PTPRD: variants seen among roughly 807,000 people sequenced by gnomAD.
The protein encoded by PTPRD is protein tyrosine phosphatase receptor type D, also known as receptor-type tyrosine-protein phosphatase delta.
A neutral mutation model predicts 214.5 loss-of-function variants in PTPRD; 34 were observed. The ratio of observed to expected loss-of-function variants is 0.16; its 90% CI spans 0.12 to 0.21. The LOEUF is 0.21. Among genes scored for constraint, PTPRD ranks in the 10% least tolerant of loss-of-function variants. The pLI is 1.00. For missense variants in PTPRD, 2,545 were observed against 2,398.7 expected (o/e 1.06, Z -1.27); for synonymous variants, 1,128 against 845.7 (o/e 1.33, Z -5.79).
intron 9 of PTPRD, among the ~76,000 whole-genome samples, chr9:9,312,479 C>T (rs1273409895): frequency 6.6e-6 from 1 of 152,154 alleles, no homozygotes; most frequent in East Asian, 1.9e-4. Flanking sequence ...TGGCATGGGG[C>T]TACTGTCTGT....
chr9:9,889,918 G>T (rs984483326), intron 5 of PTPRD, among the ~76,000 whole-genome samples: 1 of 151,938 alleles, frequency 6.6e-6, no homozygotes, highest in African/African-American at 2.4e-5. Context: ...TTCCCTGTAG[G>T]CACTTTCCTG....
intron 6 of PTPRD, among the ~76,000 whole-genome samples, chr9:9,758,320 A>G (rs985799666): frequency 6.6e-6 from 1 of 151,768 alleles, no homozygotes; most frequent in Non-Finnish European, 1.5e-5. Context: ...GGCAGTTTTT[A>G]TTTTATGAAA....
chr9:8,657,518 C>T (rs2096936229), intron 12 of PTPRD, among the ~76,000 whole-genome samples: 1 of 152,016 alleles, frequency 6.6e-6, no homozygotes, highest in African/African-American at 2.4e-5. Context: ...TGTTTAATTT[C>T]CTTGTAGAGT....
chr9:8,409,985 T>C (rs2093381117), intron 35 of PTPRD, among the ~76,000 whole-genome samples: 1 of 152,216 alleles, frequency 6.6e-6, no homozygotes, highest in South Asian at 2.1e-4. Context: ...CATTTGGTTC[T>C]TAGTGTGGTT....
At chr9:10,503,788 T>C (rs1483914174) in intron 2 of PTPRD, among the ~76,000 whole-genome samples, 1 of 151,782 alleles carries the variant, frequency 6.6e-6, no homozygotes, top group Non-Finnish European at 1.5e-5. Flanking sequence ...GGACAATAGA[T>C]GTCCAGGGTA....
At chr9:8,461,796 T>C (rs1313374467) in intron 32 of PTPRD, among the ~76,000 whole-genome samples, 1 of 151,962 alleles carries the variant, frequency 6.6e-6, no homozygotes, top group African/African-American at 2.4e-5. Context: ...CTCCATCCTA[T>C]AGACAAACAT....
intron 24 of PTPRD, among the ~76,000 whole-genome samples, 181 bp downstream of exon 24, chr9:8,500,573 A>G (rs1399750021): frequency 1.4e-5 from 2 of 144,590 alleles, no homozygotes; most frequent in East Asian, 2.0e-4. Context: ...AAAAAAAAAA[A>G]AAAAAAAAAA....
At chr9:9,353,606 G>T (rs551369978) in intron 9 of PTPRD, among the ~76,000 whole-genome samples, 1 of 150,600 alleles carries the variant, frequency 6.6e-6, no homozygotes, top group Non-Finnish European at 1.5e-5. Context: ...CGTATATATT[G>T]GCCTTGTTTT....
chr9:9,122,127 C>T (rs2099818180), intron 10 of PTPRD, among the ~76,000 whole-genome samples: 1 of 152,100 alleles, frequency 6.6e-6, no homozygotes, highest in African/African-American at 2.4e-5. Flanking sequence ...CAGTAGCAGA[C>T]TTCATATGTT....
intron 14 of PTPRD, among the ~76,000 whole-genome samples, chr9:8,598,348 T>TATCCCAGG: frequency 6.6e-6 from 1 of 151,738 alleles, no homozygotes; most frequent in East Asian, 1.9e-4. Flanking sequence ...GGTATCCCAG[T>TATCCCAGG]TACTCGGGAG....
At chr9:9,328,803 T>G (rs146090424) in intron 9 of PTPRD, among the ~76,000 whole-genome samples, 2,014 of 150,434 alleles carry the variant, frequency 0.013, 44 homozygotes, top group African/African-American at 0.047. Context: ...CATCCAGCTA[T>G]TTCTTTTTTT....
At chr9:9,222,234 GC>G (rs2099956561) in intron 9 of PTPRD, among the ~76,000 whole-genome samples, 1 of 151,808 alleles carries the variant, frequency 6.6e-6, no homozygotes, top group Admixed American at 6.6e-5. Flanking sequence ...TAGATTCCTT[GC>G]CCAGAAAGTT....
At chr9:8,972,433 A>C (rs1363897515) in intron 11 of PTPRD, among the ~76,000 whole-genome samples, 1 of 151,926 alleles carries the variant, frequency 6.6e-6, no homozygotes, top group African/African-American at 2.4e-5. Flanking sequence ...AAATGAATCA[A>C]ACATACATAC....
chr9:10,256,818 G>T (rs776645116), intron 3 of PTPRD, among the ~76,000 whole-genome samples: 13 of 152,070 alleles, frequency 8.5e-5, no homozygotes, highest in Non-Finnish European at 1.9e-4. Context: ...TTTGCACATG[G>T]TGTTTCCCCT....
intron 8 of PTPRD, among the ~76,000 whole-genome samples, chr9:9,410,522 C>G (rs1216505426): frequency 6.6e-6 from 1 of 152,078 alleles, no homozygotes; most frequent in Non-Finnish European, 1.5e-5. Context: ...ACATGTGATC[C>G]TTATTAAAAA....
intron 39 of PTPRD, among the ~76,000 whole-genome samples, chr9:8,358,328 A>G (rs1500316): frequency 0.57 from 86,528 of 151,886 alleles, 26,259 homozygotes; most frequent in Non-Finnish European, 0.69. Flanking sequence ...TAGTTTAAAC[A>G]TAATTTAAAG....
At chr9:8,893,367 G>C (rs909034006) in intron 11 of PTPRD, among the ~76,000 whole-genome samples, 1 of 152,132 alleles carries the variant, frequency 6.6e-6, no homozygotes, top group African/African-American at 2.4e-5. Flanking sequence ...CGAAGGGAGA[G>C]TAGAGAAGGG....
intron 9 of PTPRD, among the ~76,000 whole-genome samples, chr9:9,352,548 C>T (rs1271294154): frequency 2.6e-5 from 4 of 151,804 alleles, no homozygotes; most frequent in Non-Finnish European, 5.9e-5. Flanking sequence ...GAGACAAACT[C>T]TTCACTCTGT....
intron 3 of PTPRD, among the ~76,000 whole-genome samples, chr9:10,324,727 T>G (rs2096613401): frequency 6.6e-6 from 1 of 152,052 alleles, no homozygotes; most frequent in African/African-American, 2.4e-5. Flanking sequence ...CACTCAGTCT[T>G]TTTGTATAAC....
Sources: gnomAD v4.1 joint callset for allele counts (sites outside exome capture counted in the v4.1 genomes callset) on GRCh38, gnomAD v4.1.1 for gene constraint, MANE v1.5 for transcripts, NCBI Gene and HGNC (gene_info 2026-07-23, HGNC 2026-07-21) for gene names.